Variants in OSBPL8 observed in about 807,000 individuals in gnomAD.
OSBPL8 encodes oxysterol-binding protein-related protein 8.
Under a neutral mutation model 125.5 loss-of-function variants are expected in OSBPL8, and 59 were observed. The ratio of observed to expected loss-of-function variants is 0.47; its 90% CI spans 0.38 to 0.58. The LOEUF is 0.58. OSBPL8 is among the 20% of genes least tolerant of loss of function. The probability of loss-of-function intolerance (pLI) is 0.00; values close to 1 mark genes in which losing one functional copy is unlikely to be tolerated. For synonymous variants in OSBPL8, 330 were observed against 338.9 expected (o/e 0.97, Z 0.29); for missense variants, 758 against 1,047.8 (o/e 0.72, Z 3.82).
rs77837203 is a variant in OSBPL8, at chr12:76,372,971, C to T, written c.1917+373G>A. On this transcript the variant is annotated intron_variant, in intron 18 of 23. Coordinates refer to ENST00000261183, the MANE Select transcript of OSBPL8 (RefSeq NM_020841.5). ...AGCAAATTATGTGAACTCTCTGTGC[C>T]TCAGTGTCCTCTTCTGTAAAATGGG... is the stretch of plus-strand genomic sequence containing the variant. Among the ~76,000 whole-genome samples, 1,360 of 152,224 alleles carry T rather than the reference C, an allele frequency of 8.9e-3. 26 individuals carry two copies. Among genetic ancestry groups the T allele is most frequent in the African/African-American group, 0.031 (1,301 of 41,530 alleles).
Position 76,360,705 on chromosome 12 carries a change from C to T in OSBPL8, c.2329-1894G>A, listed in dbSNP as rs143162208. ...ATCTTCTGAAATCGAGGTGGAGGTT[C>T]CCAAACCTCAATTCTTGACTTCTGT... On this transcript the variant is annotated intron_variant, in intron 21 of 23. Transcript: ENST00000261183. Among the ~76,000 whole-genome samples the T allele has an allele frequency of 4.5e-3, 680 of 152,360 alleles. 9 individuals carry two copies. Among genetic ancestry groups the T allele is most frequent in the African/African-American group, 0.016 (653 of 41,590 alleles).
chr12:76,458,098 C>A (rs1020322234), intron 3 of OSBPL8, among the ~76,000 whole-genome samples: 20 of 151,718 alleles, frequency 1.3e-4, no homozygotes, highest in African/African-American at 4.8e-4. Flanking sequence ...GTAGGAAAAC[C>A]CTGTGTCTAC....
At chr12:76,369,435 C>CTTCAGA in intron 20 of OSBPL8, 134 bp from the exon 21 acceptor site, 5 of 1,400,406 alleles carry the variant, frequency 3.6e-6, no homozygotes, top group Non-Finnish European at 4.7e-6. Context: ...CATACCTAAT[C>CTTCAGA]TTCAGATCCT....
chr12:76,410,525 G>T, intron 5 of OSBPL8, 39 bp downstream of exon 5: 1 of 1,438,554 alleles, frequency 7.0e-7, no homozygotes, highest in Non-Finnish European at 9.7e-7. Flanking sequence ...CAAATATTAA[G>T]AATATGTCAT....
chr12:76,381,505 TTCTG>T (rs1395043635), intron 15 of OSBPL8, among the ~76,000 whole-genome samples: 22 of 152,170 alleles, frequency 1.4e-4, no homozygotes, highest in African/African-American at 3.9e-4. Context: ...TCTCTTTTAA[TTCTG>T]TCTATTTTTG....
chr12:76,483,693 A>C (rs1877813395), intron 2 of OSBPL8, among the ~76,000 whole-genome samples: 1 of 24,832 alleles, frequency 4.0e-5, no homozygotes. Context: ...TTTTTTTTTG[A>C]GACAGCATTT....
At chr12:76,449,818 A>G (rs983694880) in intron 4 of OSBPL8, among the ~76,000 whole-genome samples, 2 of 152,262 alleles carry the variant, frequency 1.3e-5, no homozygotes, top group Non-Finnish European at 2.9e-5. Flanking sequence ...GTAAAGAGCC[A>G]TTCAAAATTC....
At chr12:76,511,185 A>C (rs1880951207) in intron 1 of OSBPL8, among the ~76,000 whole-genome samples, 1 of 152,210 alleles carries the variant, frequency 6.6e-6, no homozygotes, top group Admixed American at 6.5e-5. Context: ...CGCCATTATG[A>C]ACAGCACTGC....
rs1954472469 is a variant in OSBPL8 at position 76,410,581 on chromosome 12, A to C, written c.271T>G (p.Ser91Ala). 6.2e-7 allele frequency: 1 copy of C among 1,604,090 alleles called. No individual in the cohort carries two copies. Among genetic ancestry groups the C allele is most frequent in the African/African-American group, 1.3e-5 (1 of 74,756 alleles). ...ISQNKDESSL[S>A]MSKSKSESKL... ...ATGCTTACCTTGCTCTTTGACATAGAAAGTGAAGATTCATCTTTATTTTGA... is the reference window on the plus strand; with the variant it reads ...ATGCTTACCTTGCTCTTTGACATAGCAAGTGAAGATTCATCTTTATTTTGA... The change falls in exon 5 of 24, where the codon TCT becomes GCT. Residue 91 changes from serine to alanine, a missense_variant. Physicochemically the swap from Ser to Ala is moderately conservative, Grantham distance 99 (BLOSUM62 1). This residue lies in a region of OSBPL8 where 117 missense variants were observed against 137.1 expected (regional missense o/e 0.85). Transcript: ENST00000261183.
chr12:76,549,817 A>C (rs568558917), intron 1 of OSBPL8, among the ~76,000 whole-genome samples: 59 of 152,308 alleles, frequency 3.9e-4, no homozygotes, highest in African/African-American at 1.4e-3. Context: ...TGAGAATAGA[A>C]TGGAGACTTT....
At chr12:76,499,350 C>CTATCTATCTATCTATCATCTATCT (rs71082312) in intron 1 of OSBPL8, among the ~76,000 whole-genome samples, 1 of 107,480 alleles carries the variant, frequency 9.3e-6, no homozygotes, top group African/African-American at 3.4e-5. Flanking sequence ...ATCTATCTAT[C>CTATCTATCTATCTATCATCTATCT]ATCTATCTAT....
At chr12:76,541,475 C>T (rs1471515934) in intron 1 of OSBPL8, among the ~76,000 whole-genome samples, 1 of 151,322 alleles carries the variant, frequency 6.6e-6, no homozygotes, top group Non-Finnish European at 1.5e-5. Flanking sequence ...GCAAGACTGT[C>T]TCAAAAAATA....
At chr12:76,450,699 T>C (rs1873280505) in intron 4 of OSBPL8, 152 bp downstream of exon 4, 6 of 694,366 alleles carry the variant, frequency 8.6e-6, no homozygotes, top group South Asian at 2.1e-5. Flanking sequence ...AAGAGTATTA[T>C]AGATGACCTA....
intron 21 of OSBPL8, among the ~76,000 whole-genome samples, chr12:76,364,501 T>G (rs946833290): frequency 1.1e-4 from 17 of 152,022 alleles, no homozygotes; most frequent in Admixed American, 7.9e-4. Flanking sequence ...GACCTGTCGG[T>G]GGGTGGGAGG....
At chr12:76,422,124 G>A (rs1020865319) in intron 4 of OSBPL8, among the ~76,000 whole-genome samples, 10 of 151,978 alleles carry the variant, frequency 6.6e-5, no homozygotes, top group Middle Eastern at 3.2e-3. Context: ...TGCAAAAAAT[G>A]AACAAATATC....
At chr12:76,384,907 T>C (rs1160209438) in intron 14 of OSBPL8, among the ~76,000 whole-genome samples, 1 of 152,212 alleles carries the variant, frequency 6.6e-6, no homozygotes, top group African/African-American at 2.4e-5. Flanking sequence ...CAGATTCCTG[T>C]ACCTCATCAT....
intron 1 of OSBPL8, among the ~76,000 whole-genome samples, chr12:76,542,521 C>A (rs1565984612): frequency 1.3e-5 from 2 of 152,220 alleles, no homozygotes; most frequent in Admixed American, 6.5e-5. Flanking sequence ...CACCCACCCC[C>A]AAAGTGTCTG....
chr12:76,445,369 C>T (rs1872625351), intron 4 of OSBPL8, among the ~76,000 whole-genome samples: 1 of 152,032 alleles, frequency 6.6e-6, no homozygotes, highest in South Asian at 2.1e-4. Context: ...ATAGGAAAAA[C>T]TGATAAATTG....
intron 2 of OSBPL8, among the ~76,000 whole-genome samples, chr12:76,462,113 C>T (rs1024090539): frequency 2.0e-5 from 3 of 152,062 alleles, no homozygotes; most frequent in South Asian, 2.1e-4. Flanking sequence ...TACATGGCTG[C>T]GAGTATTTAA....
Sources: gnomAD v4.1 joint callset for allele counts (sites outside exome capture counted in the v4.1 genomes callset) on GRCh38, gnomAD v4.1.1 for gene constraint, gnomAD v4.1.1 regional missense constraint, MANE v1.5 for transcripts, NCBI Gene and HGNC (gene_info 2026-07-23, HGNC 2026-07-21) for gene names.